FLI1: variants seen among roughly 807,000 people sequenced by gnomAD.
The protein encoded by FLI1 is Friend leukemia integration 1 transcription factor.
FLI1 carries 13 observed loss-of-function variants against 53.1 expected under a neutral mutation model. The ratio of observed to expected loss-of-function variants is 0.24; its 90% CI spans 0.16 to 0.39. The LOEUF (loss-of-function observed/expected upper bound fraction) is 0.39. Ranked by LOEUF, FLI1 falls within the 10% of genes least tolerant of loss-of-function variation. The pLI is 1.00. For missense variants in FLI1, 424 were observed against 600.5 expected, an observed-to-expected ratio of 0.71 and a Z score of 3.07; for synonymous variants, 244 against 236.7, an observed-to-expected ratio of 1.03 and a Z score of -0.28.
chr11:128,716,266 T>C (rs1939008424), intron 1 of FLI1, among the ~76,000 whole-genome samples: 2 of 152,062 alleles, frequency 1.3e-5, no homozygotes, highest in Admixed American at 6.5e-5. Flanking sequence ...CAAGCCAAAA[T>C]GTCAGAAAAG....
intron 1 of FLI1, among the ~76,000 whole-genome samples, chr11:128,721,553 G>A (rs922469590): frequency 1.3e-5 from 2 of 152,166 alleles, no homozygotes; most frequent in Admixed American, 6.5e-5. Context: ...TCCAGCTGCT[G>A]AGCTGTAGAG....
intron 5 of FLI1, among the ~76,000 whole-genome samples, chr11:128,786,029 C>A (rs1017837612): frequency 2.6e-5 from 4 of 151,996 alleles, no homozygotes; most frequent in Non-Finnish European, 5.9e-5. Flanking sequence ...TTTGTAAATG[C>A]AAAAATTAAA....
rs1474369400 is a variant in FLI1, at chr11:128,725,660, C to G, written c.18+31384C>G. On this transcript the variant is annotated intron_variant, in intron 1 of 8. Coordinates refer to ENST00000527786, the MANE Select transcript of FLI1 (RefSeq NM_002017.5). ...TCATTCTCTCTCCCTCTCTCTCTCT[C>G]TCTGTGTGTGTGTGTTTGTGTGTGT... Among the ~76,000 whole-genome samples, 517 of 149,186 alleles carry G rather than the reference C, an allele frequency of 3.5e-3. 7 individuals carry two copies. The highest frequency in any genetic ancestry group is 0.012 in the African/African-American group (472 of 40,558).
intron 1 of FLI1, chr11:128,686,740 C>A (rs1865810791): frequency 3.1e-6 from 1 of 318,196 alleles, no homozygotes; most frequent in Non-Finnish European, 6.3e-6. Flanking sequence ...TGATGACCCC[C>A]AGCTTCTACC....
At chr11:128,720,870 C>T (rs941321090) in intron 1 of FLI1, among the ~76,000 whole-genome samples, 2 of 152,212 alleles carry the variant, frequency 1.3e-5, no homozygotes, top group African/African-American at 4.8e-5. Context: ...TGCGCCTTCT[C>T]TGTGTGTGGC....
At chr11:128,782,141 A>T in intron 5 of FLI1, 118 bp downstream of exon 5, 1 of 876,306 alleles carries the variant, frequency 1.1e-6, no homozygotes, top group East Asian at 2.5e-5. Context: ...TTTTCCTAGC[A>T]TACAAAGACA....
At chr11:128,719,886 T>TC in intron 1 of FLI1, among the ~76,000 whole-genome samples, 1 of 152,316 alleles carries the variant, frequency 6.6e-6, no homozygotes, top group South Asian at 2.1e-4. Flanking sequence ...AGTAAGCCCA[T>TC]CCTGCAGGTG....
At position 128,787,807 on chromosome 11, in the gene FLI1, A is replaced by ATTT. The variant is rs35352545; in HGVS notation, c.655+5799_655+5801dup. Among the ~76,000 whole-genome samples the ATTT allele has an allele frequency of 6.8e-4, 94 of 137,348 alleles. 2 individuals carry two copies. Among genetic ancestry groups the ATTT allele is most frequent in the African/African-American group, 1.8e-3 (67 of 36,542 alleles). 90.1% of individuals were successfully genotyped at this position (137,348 alleles called of 152,430 possible). A position where few individuals can be genotyped will look rare whatever the true frequency, so the allele number is the denominator to read the frequency against. On this transcript the variant is annotated intron_variant, in intron 5 of 8. Transcript: ENST00000527786. ...ACATTATTATTGAAAGCTAATTACA[A>ATTT]TTTTTTTTTTTTTTTTTGAGATGGA...
Position 128,787,950 on chromosome 11 carries a change from G to T in FLI1, c.655+5927G>T, listed in dbSNP as rs562847219. On this transcript the variant is annotated intron_variant, in intron 5 of 8. Transcript: ENST00000527786. ...GCCTCCTGAGTAGCTGGGACTACAG[G>T]TGCCCGCCACCACGCCCAGCTAATT... Among the ~76,000 whole-genome samples, 122 of 151,858 alleles carry T rather than the reference G, an allele frequency of 8.0e-4. 1 individual carries two copies. Among genetic ancestry groups the T allele is most frequent in the African/African-American group, 2.9e-3 (121 of 41,388 alleles).
intron 4 of FLI1, among the ~76,000 whole-genome samples, chr11:128,778,345 T>G (rs545315290): frequency 6.6e-6 from 1 of 152,152 alleles, no homozygotes; most frequent in Non-Finnish European, 1.5e-5. Flanking sequence ...TTCAGCCCCC[T>G]GTACCCTCTC....
intron 1 of FLI1, among the ~76,000 whole-genome samples, chr11:128,705,406 T>G (rs1565457910): frequency 1.3e-5 from 2 of 152,242 alleles, no homozygotes; most frequent in African/African-American, 4.8e-5. Context: ...AACGGCATAT[T>G]CTTTGACCTG....
intron 1 of FLI1, among the ~76,000 whole-genome samples, chr11:128,744,897 A>G (rs532872244): frequency 3.3e-5 from 5 of 152,204 alleles, no homozygotes; most frequent in Non-Finnish European, 5.9e-5. Context: ...GCAGTCTAAG[A>G]TAAAGTGCCA....
chr11:128,712,629 C>G (rs1001234592), intron 1 of FLI1, among the ~76,000 whole-genome samples: 1 of 151,974 alleles, frequency 6.6e-6, no homozygotes, highest in Non-Finnish European at 1.5e-5. Flanking sequence ...TGGCAGCAGG[C>G]AAAAAGAGAG....
At chr11:128,720,936 C>G (rs1262346205) in intron 1 of FLI1, among the ~76,000 whole-genome samples, 1 of 152,182 alleles carries the variant, frequency 6.6e-6, no homozygotes, top group Non-Finnish European at 1.5e-5. Flanking sequence ...AGCCGGACCT[C>G]TGTGCAACAG....
chr11:128,694,453 C>G (rs919847374), intron 1 of FLI1, among the ~76,000 whole-genome samples, 177 bp downstream of exon 1: 25 of 84 alleles, frequency 0.3, no homozygotes, highest in Non-Finnish European at 0.33. Context: ...GCGGGCCAGC[C>G]GGCCAGGCGC....
At chr11:128,794,773 A>C (rs1942379628) in intron 5 of FLI1, among the ~76,000 whole-genome samples, 1 of 152,194 alleles carries the variant, frequency 6.6e-6, no homozygotes, top group Non-Finnish European at 1.5e-5. Flanking sequence ...AGGGATCTGT[A>C]AGATCGAGAA....
chr11:128,809,671 G>T (rs11221468), intron 8 of FLI1, among the ~76,000 whole-genome samples: 53,319 of 152,086 alleles, frequency 0.35, 11,030 homozygotes, highest in Middle Eastern at 0.58. Context: ...TGCAGATATA[G>T]TCAATTTGAC....
intron 3 of FLI1, among the ~76,000 whole-genome samples, chr11:128,768,877 G>A (rs931853908): frequency 1.2e-4 from 19 of 152,064 alleles, no homozygotes; most frequent in East Asian, 1.9e-4. Context: ...AGGCAAGGCC[G>A]CCTCCACCCA....
At chr11:128,778,802 C>A (rs939593760) in intron 4 of FLI1, among the ~76,000 whole-genome samples, 23 of 152,202 alleles carry the variant, frequency 1.5e-4, no homozygotes, top group African/African-American at 5.1e-4. Context: ...AGCCTCAAGG[C>A]AGGAGAAAGC....
Sources: gnomAD v4.1 joint callset for allele counts (sites outside exome capture counted in the v4.1 genomes callset) on GRCh38, gnomAD v4.1.1 for gene constraint, MANE v1.5 for transcripts, NCBI Gene and HGNC (gene_info 2026-07-23, HGNC 2026-07-21) for gene names.